The following FAM91A1 variants were observed in gnomAD, a reference collection of about 807,000 sequenced individuals.
FAM91A1 encodes the protein family with sequence similarity 91 member A1, also known as protein FAM91A1.
Under a neutral mutation model 113.5 loss-of-function variants are expected in FAM91A1, and 41 were observed. That is an observed-to-expected ratio of 0.36 (90% confidence interval 0.28 to 0.47). FAM91A1 has a LOEUF of 0.47. Ranked by LOEUF, FAM91A1 falls within the 20% of genes least tolerant of loss-of-function variation. The pLI is 1.00. For missense variants in FAM91A1, 696 were observed against 1,001.2 expected (o/e 0.70, Z 4.11); for synonymous variants, 307 against 347.9 (o/e 0.88, Z 1.31).
intron 1 of FAM91A1, 115 bp downstream of exon 1, chr8:123,768,889 C>T: frequency 9.4e-7 from 1 of 1,067,526 alleles, no homozygotes; most frequent in Non-Finnish European, 1.4e-6. Context: ...CCTTCCTTTA[C>T]TCCTCCGTGG....
At chr8:123,788,031 A>C (rs1294573070) in intron 14 of FAM91A1, among the ~76,000 whole-genome samples, 1 of 152,106 alleles carries the variant, frequency 6.6e-6, no homozygotes, top group East Asian at 1.9e-4. Context: ...TTAGTCTGTA[A>C]TGTTTTAAGT....
chr8:123,787,197 C>A, intron 12 of FAM91A1, 64 bp from the exon 13 acceptor site: 2 of 1,224,948 alleles, frequency 1.6e-6, no homozygotes, highest in Non-Finnish European at 2.4e-6. Context: ...GAAATACTTT[C>A]ACTCCAAATG....
chr8:123,795,388 C>A (rs531493587), intron 15 of FAM91A1, among the ~76,000 whole-genome samples: 7 of 151,652 alleles, frequency 4.6e-5, no homozygotes, highest in African/African-American at 1.7e-4. Context: ...CCCCCCGCCC[C>A]CCTGCCCTTT....
At chr8:123,801,330 A>G (rs1292246628) in intron 18 of FAM91A1, among the ~76,000 whole-genome samples, 2 of 152,200 alleles carry the variant, frequency 1.3e-5, no homozygotes, top group Non-Finnish European at 2.9e-5. Flanking sequence ...TAAAATGGAG[A>G]TGGCAATATC....
chr8:123,797,312 G>T (rs1815549687), intron 15 of FAM91A1, among the ~76,000 whole-genome samples: 1 of 152,102 alleles, frequency 6.6e-6, no homozygotes, highest in Non-Finnish European at 1.5e-5. Flanking sequence ...AAGAAGGATT[G>T]GTACTGTATA....
chr8:123,779,363 G>T (rs1001003619), intron 6 of FAM91A1, among the ~76,000 whole-genome samples: 2 of 152,166 alleles, frequency 1.3e-5, no homozygotes, highest in African/African-American at 4.8e-5. Context: ...AAGATCAAGA[G>T]AGTTGATATT....
At chr8:123,774,247 C>T (rs1196609475) in intron 2 of FAM91A1, 83 bp downstream of exon 2, 6 of 1,085,262 alleles carry the variant, frequency 5.5e-6, no homozygotes, top group Admixed American at 2.2e-5. Context: ...ATACATATTT[C>T]ATAGTACTGA....
Position 123,812,754 on chromosome 8 carries a change from A to T in FAM91A1, c.*50A>T, listed in dbSNP as rs1223006671. The stretch of plus-strand genomic sequence containing the variant: ...CACTTTCTGCCTTTTTTCTTTCTTA[A>T]CGTTAGCTTTATAGTGTCAGCCACT... On this transcript the variant is annotated 3_prime_UTR_variant, in exon 24 of 24. Transcript: ENST00000334705. 7.0e-7 allele frequency: 1 copy of T among 1,432,040 alleles called. No homozygotes were observed. The highest frequency in any genetic ancestry group is 2.6e-5 in the Admixed American group (1 of 38,504). 88.7% of individuals were successfully genotyped at this position (1,432,040 alleles called of 1,614,324 possible).
chr8:123,805,365 C>CTTTTTTTTTTT, intron 19 of FAM91A1, 26 bp downstream of exon 19: 1 of 1,257,276 alleles, frequency 8.0e-7, no homozygotes, highest in Non-Finnish European at 1.1e-6. Flanking sequence ...TATCTATTGA[C>CTTTTTTTTTTT]TTTTTTTTTT....
intron 23 of FAM91A1, 52 bp from the exon 24 acceptor site, chr8:123,812,467 G>A (rs1815980662): frequency 6.9e-7 from 1 of 1,456,124 alleles, no homozygotes; most frequent in Non-Finnish European, 9.2e-7. Context: ...GTTATATTAA[G>A]TGGTTTTGGT....
chr8:123,786,395 T>G lies in FAM91A1; in HGVS notation c.963-100T>G. On this transcript the variant is annotated intron_variant, in intron 11 of 23. Transcript: ENST00000334705. The stretch of plus-strand genomic sequence containing the variant: ...TTGGGCTTGAATATAAGACTGAATT[T>G]TGATGGATTGTTCATAATTTAAGTC... 4 of 898,718 alleles carry G rather than the reference T, an allele frequency of 4.5e-6. No homozygotes were observed. The South Asian group carries it at 6.2e-5, about 14-fold the overall frequency. The allele number at this position is 898,718 out of a possible 1,614,324, so 55.7% of individuals were successfully genotyped here.
Position 123,789,723 on chromosome 8 carries a change from A to C in FAM91A1, c.1389A>C (p.Ala463=). ...RHNKDLVAQT[A]QPDQPNYGFP... is the part of the protein sequence containing the mutation. ...ACAAAGATCTAGTTGCGCAAACTGC[A>C]CAGCCAGACCAACCCAATTATGGTA... The change falls in exon 15 of 24, where the codon GCA becomes GCC. Residue 463 remains alanine (A), a synonymous_variant. Transcript: ENST00000334705. 1 of 1,613,412 alleles carries C rather than the reference A, an allele frequency of 6.2e-7. No individual in the cohort carries two copies.
chr8:123,786,050 C>G (rs1332643768), intron 11 of FAM91A1: 1 of 385,362 alleles, frequency 2.6e-6, no homozygotes, highest in Non-Finnish European at 5.1e-6. Flanking sequence ...AACTCCTGGC[C>G]CCAACTGATC....
intron 21 of FAM91A1, 140 bp downstream of exon 21, chr8:123,808,516 C>T (rs1815870853): frequency 1.8e-6 from 1 of 543,796 alleles, no homozygotes; most frequent in East Asian, 3.1e-5. Context: ...AGCCTTTTTA[C>T]ATACTTAGAA....
intron 14 of FAM91A1, 90 bp downstream of exon 14, chr8:123,787,840 G>A: frequency 9.8e-7 from 1 of 1,024,270 alleles, no homozygotes; most frequent in South Asian, 1.7e-5. Flanking sequence ...TGTTGATTTG[G>A]ATGGGCTTTC....
chr8:123,783,046 T>C (rs770350875), intron 8 of FAM91A1, among the ~76,000 whole-genome samples: 1 of 152,104 alleles, frequency 6.6e-6, no homozygotes, highest in Non-Finnish European at 1.5e-5. Context: ...CGTGTTGGCA[T>C]GTGGCTGTAG....
chr8:123,802,691 A>T (rs1186817820), intron 18 of FAM91A1, among the ~76,000 whole-genome samples: 1 of 152,186 alleles, frequency 6.6e-6, no homozygotes, highest in Non-Finnish European at 1.5e-5. Flanking sequence ...GCCAGGGAAG[A>T]TATATAGTAT....
chr8:123,786,250 CAAAT>C (rs1815255004), intron 11 of FAM91A1: 1 of 430,290 alleles, frequency 2.3e-6, no homozygotes, highest in South Asian at 4.4e-5. Flanking sequence ...AGAAAAAAAG[CAAAT>C]AAATATTTTA....
intron 8 of FAM91A1, among the ~76,000 whole-genome samples, chr8:123,781,928 C>T (rs1318028379): frequency 2.6e-5 from 4 of 152,164 alleles, no homozygotes; most frequent in Non-Finnish European, 4.4e-5. Flanking sequence ...ACAGAGGTGG[C>T]CGTGATTTCC....
Sources: allele counts gnomAD v4.1 joint callset (sites outside exome capture counted in the v4.1 genomes callset), GRCh38; gene constraint gnomAD v4.1.1; transcripts MANE v1.5; gene names NCBI Gene and HGNC (gene_info 2026-07-23, HGNC 2026-07-21).